FSTL5: variants seen among roughly 807,000 people sequenced by gnomAD.
FSTL5 encodes the protein follistatin-related protein 5.
A neutral mutation model predicts 89.1 loss-of-function variants in FSTL5; 62 were observed. The ratio of observed to expected loss-of-function variants is 0.70; its 90% CI spans 0.57 to 0.86. The LOEUF (loss-of-function observed/expected upper bound fraction) is 0.86, where lower values mean the gene tolerates loss of function less well. Ranked by LOEUF, FSTL5 falls within the 40% of genes least tolerant of loss-of-function variation. The probability of loss-of-function intolerance (pLI) is 0.00; values close to 1 mark genes in which losing one functional copy is unlikely to be tolerated. For missense variants in FSTL5, 1,057 were observed against 1,001.6 expected (o/e 1.06, Z -0.75); for synonymous variants, 383 against 346.2 (o/e 1.11, Z -1.18).
At chr4:162,100,323 G>A (rs1028095882) in intron 2 of FSTL5, among the ~76,000 whole-genome samples, 4 of 152,152 alleles carry the variant, frequency 2.6e-5, no homozygotes, top group African/African-American at 9.7e-5. Context: ...CACTTTGGGA[G>A]GCCGAGGCGG....
In FSTL5 at chr4:161,861,993, C is replaced by T. The variant is rs1180878824; in HGVS notation, c.409+58411G>A. On this transcript the variant is annotated intron_variant, in intron 4 of 15. Coordinates refer to ENST00000306100, the MANE Select transcript of FSTL5 (RefSeq NM_020116.5). ...AGCATACTCAAGAGACTTCAGTTTC[C>T]CTCTTTGGGAGAAACTGTAATATTG... Among the ~76,000 whole-genome samples, 5 of 152,094 alleles carry T rather than the reference C, an allele frequency of 3.3e-5. No homozygotes were observed. The East Asian group carries it at 7.7e-4, about 23-fold the overall frequency.
intron 15 of FSTL5, among the ~76,000 whole-genome samples, chr4:161,430,286 A>C (rs1186301630): frequency 6.6e-6 from 1 of 152,192 alleles, no homozygotes; most frequent in African/African-American, 2.4e-5. Flanking sequence ...TATTGGCATT[A>C]AAGAGTAGGT....
chr4:162,063,994 A>G (rs1332631734), intron 2 of FSTL5, among the ~76,000 whole-genome samples: 1 of 151,990 alleles, frequency 6.6e-6, no homozygotes, highest in Non-Finnish European at 1.5e-5. Flanking sequence ...GAAGAAATAC[A>G]CTTTACTCCT....
At chr4:161,983,887 G>A (rs1310818995) in intron 3 of FSTL5, among the ~76,000 whole-genome samples, 1 of 151,952 alleles carries the variant, frequency 6.6e-6, no homozygotes, top group African/African-American at 2.4e-5. Context: ...GAATTTCTAT[G>A]TTGAATTTTT....
intron 3 of FSTL5, among the ~76,000 whole-genome samples, chr4:161,964,052 T>C (rs897805700): frequency 5.9e-5 from 9 of 152,016 alleles, no homozygotes; most frequent in African/African-American, 2.2e-4. Context: ...CTAGATTTAT[T>C]CAGGCTTTAT....
Position 161,628,899 on chromosome 4 carries a change from T to C in FSTL5, c.894+27429A>G, listed in dbSNP as rs545092631. Reference sequence around the variant, plus strand: ...AATAAAGGTCTGTATATTTTATTAATTGGTTAGCATATTCAACTCAATAGT... The same window carrying C: ...AATAAAGGTCTGTATATTTTATTAACTGGTTAGCATATTCAACTCAATAGT... On this transcript the variant is annotated intron_variant, in intron 7 of 15. Transcript: ENST00000306100. 8.6e-4 allele frequency among the ~76,000 whole-genome samples: 131 copies of C among 152,338 alleles called. 2 individuals carry two copies. Among genetic ancestry groups the C allele is most frequent in the South Asian group, 2.1e-4 (1 of 4,828 alleles).
intron 8 of FSTL5, among the ~76,000 whole-genome samples, chr4:161,572,384 G>A (rs1733050539): frequency 6.8e-6 from 1 of 146,060 alleles, no homozygotes; most frequent in South Asian, 2.2e-4. Context: ...AGAATGCACT[G>A]ATTATGACCC....
chr4:161,990,610 TAAG>T (rs1408094852), intron 3 of FSTL5, among the ~76,000 whole-genome samples: 3 of 152,064 alleles, frequency 2.0e-5, no homozygotes, highest in African/African-American at 7.2e-5. Flanking sequence ...TGAAAGGCAT[TAAG>T]AAGATACAAG....
chr4:162,049,681 T>C (rs905240898), intron 2 of FSTL5, among the ~76,000 whole-genome samples: 10 of 152,100 alleles, frequency 6.6e-5, no homozygotes, highest in African/African-American at 2.4e-4. Context: ...GAATAGCTAA[T>C]CTTTCTGTGA....
intron 2 of FSTL5, among the ~76,000 whole-genome samples, chr4:162,051,498 A>G (rs1738377126): frequency 6.6e-6 from 1 of 151,594 alleles, no homozygotes; most frequent in African/African-American, 2.4e-5. Context: ...CCTACTAGAC[A>G]TATAAAGAAT....
At chr4:161,962,138 T>C (rs953310016) in intron 3 of FSTL5, among the ~76,000 whole-genome samples, 8 of 152,022 alleles carry the variant, frequency 5.3e-5, no homozygotes, top group African/African-American at 1.9e-4. Flanking sequence ...TACAATCTAA[T>C]AAAGTATTAA....
chr4:161,428,025 T>A (rs1247523643), intron 15 of FSTL5, among the ~76,000 whole-genome samples: 1 of 152,120 alleles, frequency 6.6e-6, no homozygotes, highest in African/African-American at 2.4e-5. Flanking sequence ...TCCTCCCTCA[T>A]CCCTCAGCAG....
intron 10 of FSTL5, among the ~76,000 whole-genome samples, chr4:161,531,857 G>A (rs991310640): frequency 4.5e-4 from 68 of 152,102 alleles, no homozygotes; most frequent in Admixed American, 9.8e-4. Flanking sequence ...CAATTATTGG[G>A]TTTTCTAGGC....
chr4:161,929,243 G>GAT (rs1734212622), intron 3 of FSTL5, among the ~76,000 whole-genome samples: 1 of 84,134 alleles, frequency 1.2e-5, no homozygotes, highest in South Asian at 4.1e-4. Context: ...AATTAGCTTT[G>GAT]CTTTTTTTTT....
intron 3 of FSTL5, among the ~76,000 whole-genome samples, chr4:162,025,759 G>T (rs1737255834): frequency 6.6e-6 from 1 of 150,552 alleles, no homozygotes; most frequent in South Asian, 2.1e-4. Flanking sequence ...TTATTTTTTG[G>T]CATAATAGAT....
chr4:161,725,459 A>G (rs544803930), intron 6 of FSTL5, among the ~76,000 whole-genome samples: 2 of 152,016 alleles, frequency 1.3e-5, no homozygotes, highest in African/African-American at 4.8e-5. Context: ...AGAATTTAAA[A>G]CATTTACTAT....
intron 3 of FSTL5, among the ~76,000 whole-genome samples, chr4:161,926,407 G>GTTT (rs1356312134): frequency 8.5e-4 from 108 of 127,320 alleles, no homozygotes; most frequent in African/African-American, 1.1e-3. Context: ...TTTTTTTTTT[G>GTTT]TTTTGTTTTT....
intron 6 of FSTL5, among the ~76,000 whole-genome samples, chr4:161,721,264 G>A (rs1408734984): frequency 1.8e-5 from 2 of 112,976 alleles, no homozygotes; most frequent in African/African-American, 6.5e-5. Flanking sequence ...CGGCCTGGGC[G>A]ACAGAGCGAG....
chr4:161,410,400 C>T (rs932106244), intron 15 of FSTL5, among the ~76,000 whole-genome samples: 3 of 152,178 alleles, frequency 2.0e-5, no homozygotes, highest in African/African-American at 7.2e-5. Context: ...CAGAACACTC[C>T]ACCCAACAAT....
Sources: gnomAD v4.1 joint callset for allele counts (sites outside exome capture counted in the v4.1 genomes callset) on GRCh38, gnomAD v4.1.1 for gene constraint, MANE v1.5 for transcripts, NCBI Gene and HGNC (gene_info 2026-07-23, HGNC 2026-07-21) for gene names.